TRPM6: variants seen among roughly 807,000 people sequenced by gnomAD.
The protein encoded by TRPM6 is channel kinase 2.
In TRPM6, 111 loss-of-function variants were observed where a neutral mutation model predicts 247.6. That is an observed-to-expected ratio of 0.45 (90% CI 0.38 to 0.52). The LOEUF is 0.52. Among genes scored for constraint, TRPM6 ranks in the 20% least tolerant of loss-of-function variants. The pLI is 0.00. For synonymous variants in TRPM6, 892 were observed against 853.8 expected, an observed-to-expected ratio of 1.04 and a Z score of -0.78; for missense variants, 2,126 against 2,421.5, an observed-to-expected ratio of 0.88 and a Z score of 2.56.
intron 3 of TRPM6, among the ~76,000 whole-genome samples, chr9:74,851,767 TATATATATAATAC>T (rs1830324956): frequency 9.0e-6 from 1 of 110,886 alleles, no homozygotes; most frequent in Non-Finnish European, 2.2e-5. Context: ...AAAAAAAATA[TATATATATAATAC>T]ATATATATAT....
In TRPM6 at chr9:74,747,825, C is replaced by G. The variant is rs1359066209; in HGVS notation, c.5083+64G>C. ...AAGAATGACAAAAATATCAGCAGGA[C>G]AGTGAACCTCGCATTAAAAAGATGA... is the stretch of plus-strand genomic sequence containing the variant. On this transcript the variant is annotated intron_variant, in intron 31 of 38. Transcript: ENST00000360774. 2.3e-6 allele frequency: 3 copies of G among 1,309,618 alleles called. No individual in the cohort carries two copies. The African/African-American group carries it at 4.4e-5, about 19-fold the overall frequency. The allele number at this position is 1,309,618 out of a possible 1,614,324, so 81.1% of individuals were successfully genotyped here.
chr9:74,739,615 A>C, intron 34 of TRPM6, 108 bp downstream of exon 34: 2 of 1,551,024 alleles, frequency 1.3e-6, no homozygotes, highest in Non-Finnish European at 1.8e-6. Flanking sequence ...CTAAAAAATA[A>C]TAGGCTCCCC....
At chr9:74,790,037 G>T (rs1038312073) in intron 19 of TRPM6, among the ~76,000 whole-genome samples, 3 of 122,928 alleles carry the variant, frequency 2.4e-5, no homozygotes, top group African/African-American at 8.9e-5. Context: ...TGTGTGTGTG[G>T]GTTCATTCTC....
chr9:74,844,521 T>C (rs1830046422), intron 3 of TRPM6, among the ~76,000 whole-genome samples: 1 of 152,192 alleles, frequency 6.6e-6, no homozygotes, highest in Non-Finnish European at 1.5e-5. Flanking sequence ...ATCTGCTAGG[T>C]TCAAACTTTT....
intron 9 of TRPM6, among the ~76,000 whole-genome samples, chr9:74,819,948 A>T (rs1829081703): frequency 6.6e-6 from 1 of 152,136 alleles, no homozygotes; most frequent in Admixed American, 6.5e-5. Context: ...AGCTAGATAC[A>T]CTCAAAATCA....
rs373095765 is a variant in TRPM6, at chr9:74,884,609, G to C, written c.33+3215C>G. On this transcript the variant is annotated intron_variant, in intron 1 of 38. Transcript: ENST00000360774. Reference sequence around the variant, plus strand: ...CAGTTTGATTACCTCTGGGTCAGAGGGGGAGTAGTTGAGGGGTAGAAAGGG... The same window carrying C: ...CAGTTTGATTACCTCTGGGTCAGAGCGGGAGTAGTTGAGGGGTAGAAAGGG... 3.3e-5 allele frequency among the ~76,000 whole-genome samples: 5 copies of C among 152,092 alleles called. No individual in the cohort carries two copies. The East Asian group carries it at 5.8e-4, about 18-fold the overall frequency.
chr9:74,802,900 T>C (rs750786135), intron 15 of TRPM6, among the ~76,000 whole-genome samples: 4 of 152,208 alleles, frequency 2.6e-5, no homozygotes, highest in Admixed American at 1.3e-4. Context: ...GGGCTCATCA[T>C]ACTGCACTAC....
At chr9:74,750,806 C>T (rs983471678) in intron 29 of TRPM6, 84 bp from the exon 30 acceptor site, 1 of 1,200,950 alleles carries the variant, frequency 8.3e-7, no homozygotes, top group Non-Finnish European at 1.2e-6. Flanking sequence ...AAACACGCTC[C>T]TTGGAGAATC....
chr9:74,804,353 A>C (rs1156437311), intron 14 of TRPM6: 2 of 451,764 alleles, frequency 4.4e-6, no homozygotes, highest in Non-Finnish European at 8.0e-6. Flanking sequence ...CTGGAACTCC[A>C]GTGGCCAGGC....
intron 1 of TRPM6, among the ~76,000 whole-genome samples, chr9:74,876,186 C>T (rs993763004): frequency 6.6e-6 from 1 of 152,200 alleles, no homozygotes; most frequent in Admixed American, 6.5e-5. Flanking sequence ...CAGGTTCAAG[C>T]AATTCTCTTG....
intron 17 of TRPM6, chr9:74,799,828 A>C: frequency 4.7e-6 from 1 of 212,698 alleles, no homozygotes; most frequent in Non-Finnish European, 9.5e-6. Flanking sequence ...ATGGGAGATA[A>C]AAGTCGTCTT....
chr9:74,770,811 A>G (rs191720425), intron 25 of TRPM6, among the ~76,000 whole-genome samples: 1 of 152,256 alleles, frequency 6.6e-6, no homozygotes, highest in East Asian at 1.9e-4. Flanking sequence ...GATCATTTTC[A>G]GGACCATGCT....
intron 28 of TRPM6, among the ~76,000 whole-genome samples, chr9:74,753,125 A>AG (rs1372676337): frequency 2.6e-5 from 4 of 151,872 alleles, no homozygotes; most frequent in Non-Finnish European, 4.4e-5. Context: ...AAAAAAAAAA[A>AG]AAAAGAAAGG....
chr9:74,884,820 C>T (rs775818291), intron 1 of TRPM6, among the ~76,000 whole-genome samples: 14 of 152,142 alleles, frequency 9.2e-5, no homozygotes, highest in Non-Finnish European at 1.8e-4. Context: ...TAGAAAGCTA[C>T]TGGAGAATGT....
intron 36 of TRPM6, among the ~76,000 whole-genome samples, chr9:74,735,041 C>G (rs1287565908): frequency 6.6e-6 from 1 of 151,970 alleles, no homozygotes; most frequent in African/African-American, 2.4e-5. Flanking sequence ...GGTGAAACCC[C>G]ATCACTATCA....
chr9:74,735,264 AG>A (rs1421756041), intron 36 of TRPM6, among the ~76,000 whole-genome samples: 2 of 151,760 alleles, frequency 1.3e-5, no homozygotes, highest in African/African-American at 4.8e-5. Context: ...AGGAGAGGAG[AG>A]CAGAGGAGAG....
At chr9:74,832,115 T>G (rs1232643397) in intron 6 of TRPM6, among the ~76,000 whole-genome samples, 1 of 152,148 alleles carries the variant, frequency 6.6e-6, no homozygotes, top group African/African-American at 2.4e-5. Flanking sequence ...AACCTGATCA[T>G]ACCTCTCAAT....
chr9:74,750,748 G>A (rs371153977), intron 29 of TRPM6, 26 bp from the exon 30 acceptor site: 196 of 1,611,688 alleles, frequency 1.2e-4, no homozygotes, highest in African/African-American at 1.0e-3. Flanking sequence ...AGGCCGTTAC[G>A]TGTGTGCTCA....
intron 6 of TRPM6, among the ~76,000 whole-genome samples, chr9:74,833,769 G>C (rs1564036438): frequency 6.6e-6 from 1 of 152,208 alleles, no homozygotes; most frequent in Admixed American, 6.5e-5. Context: ...GTTTGAGTGT[G>C]AGACAAAGAG....
Sources: gnomAD v4.1 joint callset for allele counts (sites outside exome capture counted in the v4.1 genomes callset) on GRCh38, gnomAD v4.1.1 for gene constraint, MANE v1.5 for transcripts, NCBI Gene and HGNC (gene_info 2026-07-23, HGNC 2026-07-21) for gene names.